XKR9: variants seen among roughly 807,000 people sequenced by gnomAD.
XKR9 encodes XK-related protein 9.
XKR9 carries 32 observed loss-of-function variants against 32.0 expected under a neutral mutation model. The observed-to-expected ratio is 1.00, with a 90% CI of 0.76 to 1.34. The LOEUF is 1.34. Ranked by LOEUF, XKR9 falls within the 40% of genes most tolerant of loss-of-function variation. The pLI is 0.00. For synonymous variants in XKR9, 168 were observed against 143.4 expected (o/e 1.17, Z -1.22); for missense variants, 546 against 429.7 (o/e 1.27, Z -2.39).
At chr8:70,814,006 C>A in the XKR9 span, among the ~76,000 whole-genome samples, 2 of 152,086 alleles carry the variant, frequency 1.3e-5, no homozygotes, top group South Asian at 2.1e-4. Context: ...ATGTTTATTG[C>A]GGCATTATTC....
At chr8:70,878,381 C>A in the XKR9 span, among the ~76,000 whole-genome samples, 1 of 151,906 alleles carries the variant, frequency 6.6e-6, no homozygotes, top group Admixed American at 6.6e-5. Context: ...AAGAGTCAAG[C>A]CCCATCAATG....
At chr8:70,998,556 A>G in the XKR9 span, among the ~76,000 whole-genome samples, 3 of 152,210 alleles carry the variant, frequency 2.0e-5, no homozygotes, top group African/African-American at 7.2e-5. Context: ...GCAAGCCTCT[A>G]ATTTTTCTTT....
chr8:70,890,871 G>A, the XKR9 span, among the ~76,000 whole-genome samples: 3 of 151,884 alleles, frequency 2.0e-5, no homozygotes, highest in Non-Finnish European at 4.4e-5. Context: ...AAAAGTCTTG[G>A]TATTAGTTCT....
At chr8:71,001,616 T>C in the XKR9 span, among the ~76,000 whole-genome samples, 1 of 152,184 alleles carries the variant, frequency 6.6e-6, no homozygotes, top group African/African-American at 2.4e-5. Context: ...ATACCTGGCA[T>C]GCTTACTCAA....
the XKR9 span, among the ~76,000 whole-genome samples, chr8:70,808,678 C>T: frequency 1.3e-5 from 2 of 152,234 alleles, no homozygotes; most frequent in Non-Finnish European, 1.5e-5. Context: ...GGGTCCTACA[C>T]CCACGGAGCC....
At chr8:70,723,809 G>C (rs1268448512) in intron 4 of XKR9, among the ~76,000 whole-genome samples, 1 of 152,094 alleles carries the variant, frequency 6.6e-6, no homozygotes, top group African/African-American at 2.4e-5. Context: ...CCCACTTGAG[G>C]AGGCAGTCTG....
chr8:70,822,444 G>A, the XKR9 span, among the ~76,000 whole-genome samples: 1 of 151,744 alleles, frequency 6.6e-6, no homozygotes, highest in Non-Finnish European at 1.5e-5. Context: ...TCAAGCAGAA[G>A]ATGGACTTTT....
intron 2 of XKR9, among the ~76,000 whole-genome samples, chr8:70,741,682 C>G (rs1806985512): frequency 6.6e-6 from 1 of 152,088 alleles, no homozygotes; most frequent in South Asian, 2.1e-4. Context: ...TTGCTTCCAC[C>G]TCTTGGCTAT....
chr8:70,880,694 G>T, the XKR9 span, among the ~76,000 whole-genome samples: 1 of 152,112 alleles, frequency 6.6e-6, no homozygotes, highest in African/African-American at 2.4e-5. Context: ...TGGCCGTACT[G>T]CCCAAAGTAA....
At chr8:70,956,273 A>C in the XKR9 span, among the ~76,000 whole-genome samples, 2 of 152,184 alleles carry the variant, frequency 1.3e-5, no homozygotes, top group South Asian at 4.1e-4. Flanking sequence ...TAGGAGACCC[A>C]AAGTGGTTAG....
chr8:70,762,823 G>T (rs1807325843), intron 2 of XKR9, among the ~76,000 whole-genome samples: 1 of 151,996 alleles, frequency 6.6e-6, no homozygotes, highest in South Asian at 2.1e-4. Flanking sequence ...TAATAATTCG[G>T]CTACTAGTAA....
At chr8:70,965,984 C>G in the XKR9 span, among the ~76,000 whole-genome samples, 4 of 152,124 alleles carry the variant, frequency 2.6e-5, no homozygotes, top group South Asian at 8.3e-4. Flanking sequence ...TCTTGGTTTT[C>G]TAGTTCTTTT....
intron 4 of XKR9, among the ~76,000 whole-genome samples, chr8:70,714,481 A>G (rs1332260862): frequency 6.6e-6 from 1 of 152,034 alleles, no homozygotes; most frequent in Admixed American, 6.6e-5. Flanking sequence ...ATTTTATAAT[A>G]TAATTTTCAT....
intron 3 of XKR9, among the ~76,000 whole-genome samples, chr8:70,705,039 A>G (rs987174977): frequency 3.3e-5 from 5 of 152,160 alleles, no homozygotes; most frequent in Non-Finnish European, 7.3e-5. Context: ...TGGTAAAAAT[A>G]TGCTCCTTTT....
Position 70,734,178 on chromosome 8 carries a change from T to C in XKR9, c.876T>C (p.Ile292=). 2 of 1,613,490 alleles carry C rather than the reference T, an allele frequency of 1.2e-6. No individual in the cohort carries two copies. The highest frequency in any genetic ancestry group is 1.7e-6 in the Non-Finnish European group (2 of 1,179,642). ...NTKCPMSCYY[I]VRVLGTLGIL... ...AGTGTCCAATGTCTTGTTATTATATTGTTAGGGTACTGGGCACTTTGGGGA... is the reference window on the plus strand; with the variant it reads ...AGTGTCCAATGTCTTGTTATTATATCGTTAGGGTACTGGGCACTTTGGGGA... The change falls in exon 5 of 5, where the codon ATT becomes ATC. Residue 292 remains isoleucine, a synonymous_variant. Transcript: ENST00000408926.
At chr8:70,708,191 A>G (rs1001469822) in intron 4 of XKR9, among the ~76,000 whole-genome samples, 1 of 151,988 alleles carries the variant, frequency 6.6e-6, no homozygotes, top group African/African-American at 2.4e-5. Flanking sequence ...CAAATAATTC[A>G]TGGATTGGGT....
At chr8:70,700,837 C>A (rs550985230) in intron 3 of XKR9, among the ~76,000 whole-genome samples, 1 of 152,330 alleles carries the variant, frequency 6.6e-6, no homozygotes, top group East Asian at 1.9e-4. Context: ...CTGGGCTCCA[C>A]GCAGTTTGAG....
chr8:70,748,728 G>A (rs1240311210), intron 2 of XKR9, among the ~76,000 whole-genome samples: 3 of 152,206 alleles, frequency 2.0e-5, no homozygotes, highest in African/African-American at 7.2e-5. Flanking sequence ...GAAGCCTGGA[G>A]GCCAGGCTGT....
At chr8:70,959,673 A>G in the XKR9 span, among the ~76,000 whole-genome samples, 1 of 152,240 alleles carries the variant, frequency 6.6e-6, no homozygotes, top group African/African-American at 2.4e-5. Flanking sequence ...AGATTAAAAA[A>G]TGGCATCATA....
Sources: allele counts gnomAD v4.1 joint callset (sites outside exome capture counted in the v4.1 genomes callset), GRCh38; gene constraint gnomAD v4.1.1; transcripts MANE v1.5; gene names NCBI Gene and HGNC (gene_info 2026-07-23, HGNC 2026-07-21).